Variants in WNK1 observed in about 807,000 individuals in gnomAD.
The protein encoded by WNK1 is serine/threonine-protein kinase WNK1.
Under a neutral mutation model 222.8 loss-of-function variants are expected in WNK1, and 38 were observed. The ratio of observed to expected loss-of-function variants is 0.17; its 90% CI spans 0.13 to 0.22. The LOEUF (loss-of-function observed/expected upper bound fraction) is 0.22. WNK1 is among the 10% of genes least tolerant of loss of function. WNK1 has a pLI of 1.00. For missense variants in WNK1, 2,348 were observed against 2,918.4 expected, an observed-to-expected ratio of 0.80 and a Z score of 4.50; for synonymous variants, 1,090 against 1,092.9, an observed-to-expected ratio of 1.00 and a Z score of 0.05.
chr12:867,203 A>G (rs1351552194), intron 8 of WNK1, among the ~76,000 whole-genome samples: 1 of 152,228 alleles, frequency 6.6e-6, no homozygotes, highest in African/African-American at 2.4e-5. Context: ...TTAACTCTGT[A>G]ACATGTTTCA....
At chr12:865,295 C>CCT (rs2154069314) in intron 8 of WNK1, 1 of 1,536,140 alleles carries the variant, frequency 6.5e-7, no homozygotes, top group Non-Finnish European at 8.7e-7. Context: ...TGGAGAGTGT[C>CCT]CTGCCTATGC....
At chr12:804,442 A>AT (rs1946163481) in intron 1 of WNK1, among the ~76,000 whole-genome samples, 1 of 114,092 alleles carries the variant, frequency 8.8e-6, no homozygotes, top group South Asian at 3.0e-4. Flanking sequence ...GCGCGATCTC[A>AT]GCTCACTGCA....
intron 26 of WNK1, chr12:904,536 C>A: frequency 7.9e-7 from 1 of 1,271,994 alleles, no homozygotes; most frequent in East Asian, 5.6e-5. Context: ...GATTGCAAAG[C>A]CTGTTAACCA....
Position 896,265 on chromosome 12 carries a change from C to A in WNK1, c.5778C>A (p.His1926Gln). ...GISSDVPESA[H>Q]KTTASEAKSD... ...CTTCAGATGTGCCAGAGAGTGCCCA[C>A]AAAACTACTGCCTCAGAGGCAAAGT... The change falls in exon 24 of 28, where the codon CAC (histidine) becomes CAA (glutamine). Residue 1926 changes from histidine (H) to glutamine (Q), a missense_variant. Physicochemically the swap from His to Gln is conservative, Grantham distance 24. Around this residue, in one of 13 missense-constraint regions of WNK1, gnomAD observed 1,144 missense variants for 1,273.6 expected, o/e 0.90. Coordinates refer to ENST00000315939, the MANE Select transcript of WNK1 (RefSeq NM_018979.4). 1 of 1,614,186 alleles carries A rather than the reference C, an allele frequency of 6.2e-7. No individual in the cohort carries two copies. Among genetic ancestry groups the A allele is most frequent in the Non-Finnish European group, 8.5e-7 (1 of 1,180,034 alleles).
intron 1 of WNK1, among the ~76,000 whole-genome samples, chr12:793,618 C>T (rs1481920740): frequency 1.3e-5 from 2 of 152,108 alleles, no homozygotes; most frequent in Non-Finnish European, 2.9e-5. Flanking sequence ...GCCATTTCTT[C>T]TCACTATATG....
rs200979623 is a variant in WNK1 at position 896,207 on chromosome 12, C to T, written c.5720C>T (p.Pro1907Leu). 1.7e-4 allele frequency: 269 copies of T among 1,614,162 alleles called. No individual in the cohort carries two copies. The highest frequency in any genetic ancestry group is 3.7e-4 in the Admixed American group (22 of 60,014). The change falls in exon 24 of 28, where the codon CCA (proline) becomes CTA (leucine). Residue 1907 changes from proline to leucine, a missense_variant. This residue lies in a region of WNK1 where 1,144 missense variants were observed against 1,273.6 expected (regional missense o/e 0.90). Transcript: ENST00000315939. ...SSSPESTLVK[P>L]EPNGITIPGI... is the part of the protein sequence containing the mutation. ...AGTCCAGAGAGTACCTTGGTGAAACCAGAGCCGAATGGCATAACCATCCCT... is the reference window on the plus strand; with the variant it reads ...AGTCCAGAGAGTACCTTGGTGAAACTAGAGCCGAATGGCATAACCATCCCT...
chr12:823,798 A>G (rs1344405000), intron 2 of WNK1, among the ~76,000 whole-genome samples: 1 of 151,800 alleles, frequency 6.6e-6, no homozygotes, highest in East Asian at 1.9e-4. Flanking sequence ...AGCTCTGCTT[A>G]TGAGAGTGGA....
chr12:880,183 TAATGATGTTC>T (rs1307487442), intron 11 of WNK1, 152 bp downstream of exon 11: 2 of 826,858 alleles, frequency 2.4e-6, no homozygotes, highest in Non-Finnish European at 3.9e-6. Context: ...AAGGATTGGA[TAATGATGTTC>T]AGTGATTCCT....
intron 25 of WNK1, among the ~76,000 whole-genome samples, chr12:900,016 CTTTTTTTT>C (rs11433731): frequency 8.4e-6 from 1 of 119,642 alleles, no homozygotes; most frequent in African/African-American, 3.2e-5. Flanking sequence ...GGATTCTTTT[CTTTTTTTT>C]TTTTTTTTTT....
rs374193324 is a variant in WNK1 at position 908,028 on chromosome 12, T to C, written c.6825T>C (p.Asn2275=). 3 of 1,614,058 alleles carry C rather than the reference T, an allele frequency of 1.9e-6. No homozygotes were observed. The highest frequency in any genetic ancestry group is 2.2e-5 in the East Asian group (1 of 44,878). The change falls in exon 27 of 28, where the codon AAT becomes AAC. Residue 2275 remains asparagine, a synonymous_variant. Coordinates refer to ENST00000315939, the MANE Select transcript of WNK1 (RefSeq NM_018979.4). ...GGAGAGGAAGCAAAGGGCACATGAA[T>C]TACGAGGTAAGTCTCTCTTTTGCCG... The part of the protein sequence containing the change: ...SGRRGSKGHM[N]YEGPGMARKF...
chr12:884,297 T>C lies in WNK1; in HGVS notation c.3844+54T>C. On this transcript the variant is annotated intron_variant, in intron 18 of 27. Coordinates refer to ENST00000315939, the MANE Select transcript of WNK1 (RefSeq NM_018979.4). The surrounding 1 kb of genome is among the most constrained non-coding windows in gnomAD (Gnocchi z 5.6). ...TGTAAATTCTACAGTGCCTCTGCTATGTTGAAAGCTTAATCATAAAGCAGT... is the reference window on the plus strand; with the variant it reads ...TGTAAATTCTACAGTGCCTCTGCTACGTTGAAAGCTTAATCATAAAGCAGT... 1 of 1,611,406 alleles carries C rather than the reference T, an allele frequency of 6.2e-7. No homozygotes were observed. Among genetic ancestry groups the C allele is most frequent in the Non-Finnish European group, 8.5e-7 (1 of 1,178,148 alleles).
chr12:831,445 C>T lies in WNK1; in HGVS notation c.1311+1285C>T, dbSNP rs530890744. ...CCTAGCTACTTTGGAGGCTGAGGCC[C>T]GAGAATCTCTGGAACCCGGGAGATG... On this transcript the variant is annotated intron_variant, in intron 4 of 27. Transcript: ENST00000315939. 7.9e-5 allele frequency among the ~76,000 whole-genome samples: 12 copies of T among 151,450 alleles called. 1 individual carries two copies. The South Asian group carries it at 1.9e-3, about 24-fold the overall frequency.
rs143516658 is a variant in WNK1, at chr12:866,893, G to T, written c.2140-4372G>T. Among the ~76,000 whole-genome samples the T allele has an allele frequency of 7.6e-4, 116 of 152,238 alleles. No homozygotes were observed. The East Asian group carries it at 8.4e-3, about 11-fold the overall frequency. On this transcript the variant is annotated intron_variant, in intron 8 of 27. Transcript: ENST00000315939. Reference sequence around the variant, plus strand: ...AATCCTAGCACTTTGGGAGGCCGAAGTGAGCAGATCACCTGAGGTCAGGAG... The same window carrying T: ...AATCCTAGCACTTTGGGAGGCCGAATTGAGCAGATCACCTGAGGTCAGGAG...
chr12:870,185 AT>A (rs1466619331), intron 8 of WNK1, among the ~76,000 whole-genome samples: 44 of 152,290 alleles, frequency 2.9e-4, no homozygotes, highest in African/African-American at 1.0e-3. Context: ...ATGTGCACAA[AT>A]TATCAATTAT....
intron 2 of WNK1, among the ~76,000 whole-genome samples, chr12:817,062 C>T (rs761038684): frequency 2.0e-5 from 3 of 152,114 alleles, no homozygotes; most frequent in Admixed American, 6.6e-5. Flanking sequence ...AATGGTCTAA[C>T]GGTTAAACAG....
At chr12:899,859 A>AG (rs1491476166) in intron 25 of WNK1, among the ~76,000 whole-genome samples, 1 of 54,630 alleles carries the variant, frequency 1.8e-5, no homozygotes, top group Non-Finnish European at 4.7e-5. Context: ...CTAATAGGGT[A>AG]AAAAAAAAAG....
chr12:863,121 CTTG>C (rs1164434443), intron 8 of WNK1, among the ~76,000 whole-genome samples: 4 of 152,158 alleles, frequency 2.6e-5, no homozygotes, highest in Non-Finnish European at 4.4e-5. Context: ...CTGTACAGCA[CTTG>C]TTTAGTGAGA....
At position 885,053 on chromosome 12, in the gene WNK1, A is replaced by G. The variant is rs1953528668; in HGVS notation, c.4249A>G (p.Thr1417Ala). The change falls in exon 19 of 28, where the codon ACA becomes GCA. Residue 1417 changes from threonine (T) to alanine (A), a missense_variant. Transcript: ENST00000315939. ...ACTTTCCAGCGTAGTTTCAAGTATC[A>G]CAATACCTGCAGTTGTCTCAATATC... is the stretch of plus-strand genomic sequence containing the variant. ...PVLSSVVSSITIPAVVSISTT... is the reference protein window; with the variant it reads ...PVLSSVVSSIAIPAVVSISTT... The G allele has an allele frequency of 1.2e-6, 2 of 1,614,188 alleles. No homozygotes were observed. The highest frequency in any genetic ancestry group is 2.7e-5 in the African/African-American group (2 of 75,040).
rs538686633 is a variant in WNK1, at chr12:826,220, G to A, written c.933-822G>A. Among the ~76,000 whole-genome samples, 11 of 152,366 alleles carry A rather than the reference G, an allele frequency of 7.2e-5. No individual in the cohort carries two copies. The South Asian group carries it at 1.9e-3, about 26-fold the overall frequency. On this transcript the variant is annotated intron_variant, in intron 2 of 27. Transcript: ENST00000315939. ...GCCATTTGCCTCATGTGGCTGTTCA[G>A]CACGTGAAATGTGGCTAGTGCAACT...
Sources: allele counts gnomAD v4.1 joint callset (sites outside exome capture counted in the v4.1 genomes callset), GRCh38; gene constraint gnomAD v4.1.1; regional missense constraint gnomAD v4.1.1; non-coding constraint Gnocchi (gnomAD v3.1); transcripts MANE v1.5; gene names NCBI Gene and HGNC (gene_info 2026-07-23, HGNC 2026-07-21).